HHIPL1: variants seen among roughly 807,000 people sequenced by gnomAD.
HHIPL1 encodes the protein HHIP like 1, also known as HHIP-like protein 1.
HHIPL1 carries 43 observed loss-of-function variants against 61.8 expected under a neutral mutation model. The observed-to-expected ratio is 0.70, with a 90% confidence interval of 0.55 to 0.90. The LOEUF is 0.90. Among genes scored for constraint, HHIPL1 ranks in the 40% least tolerant of loss-of-function variants. The pLI is 0.00. For synonymous variants in HHIPL1, 482 were observed against 515.8 expected, an observed-to-expected ratio of 0.93 and a Z score of 0.89; for missense variants, 1,056 against 1,157.7, an observed-to-expected ratio of 0.91 and a Z score of 1.28.
intron 1 of HHIPL1, among the ~76,000 whole-genome samples, chr14:99,649,717 G>A (rs1288694799): frequency 6.6e-6 from 1 of 152,182 alleles, no homozygotes; most frequent in Non-Finnish European, 1.5e-5. Context: ...GATCGTTAGA[G>A]CCCAGGAGGT....
Position 99,664,010 on chromosome 14 carries a change from C to T in HHIPL1, c.1648+989C>T, listed in dbSNP as rs971453552. On this transcript the variant is annotated intron_variant, in intron 6 of 8. Transcript: ENST00000330710. Reference sequence around the variant, plus strand: ...AAAGCGGGTGGACACAGCCTTCTTGCCGGTTAGTGGGTCCTGAATCTAGGC... The same window carrying T: ...AAAGCGGGTGGACACAGCCTTCTTGTCGGTTAGTGGGTCCTGAATCTAGGC... 2.0e-5 allele frequency among the ~76,000 whole-genome samples: 3 copies of T among 152,278 alleles called. No homozygotes were observed. The East Asian group carries it at 5.8e-4, about 29-fold the overall frequency.
the HHIPL1 span, among the ~76,000 whole-genome samples, chr14:99,627,913 C>G: frequency 6.6e-6 from 1 of 152,056 alleles, no homozygotes. The surrounding 1 kb of genome is among the most constrained non-coding windows in gnomAD (Gnocchi z 4.4). Flanking sequence ...CAGGAAAGGC[C>G]CCCGAGGAGG....
chr14:99,630,097 G>A, the HHIPL1 span, among the ~76,000 whole-genome samples: 1 of 152,216 alleles, frequency 6.6e-6, no homozygotes, highest in Non-Finnish European at 1.5e-5. Context: ...AACCATGTGG[G>A]AGTCTGTAGG....
At chr14:99,667,132 C>A (rs1383136850) in intron 6 of HHIPL1, among the ~76,000 whole-genome samples, 1 of 151,812 alleles carries the variant, frequency 6.6e-6, no homozygotes, top group Non-Finnish European at 1.5e-5. Context: ...TATCCTTTTA[C>A]AAGGACAGAG....
chr14:99,630,606 G>A, the HHIPL1 span, among the ~76,000 whole-genome samples: 1 of 152,232 alleles, frequency 6.6e-6, no homozygotes, highest in Non-Finnish European at 1.5e-5. Context: ...GGGAGCCCAA[G>A]AGGTGACGGA....
At chr14:99,639,325 G>A in the HHIPL1 span, among the ~76,000 whole-genome samples, 1 of 152,130 alleles carries the variant, frequency 6.6e-6, no homozygotes, top group Non-Finnish European at 1.5e-5. Flanking sequence ...GAATATAGTT[G>A]GGCCTTGGTT....
At chr14:99,625,527 G>A in the HHIPL1 span, 7 of 152,336 alleles carry the variant, frequency 4.6e-5, 1 homozygote, top group South Asian at 2.1e-4. Context: ...TGCCCACAAT[G>A]AGGCAGGGTC....
the HHIPL1 span, among the ~76,000 whole-genome samples, chr14:99,637,003 G>GAAAGAA: frequency 3.3e-4 from 9 of 27,048 alleles, no homozygotes; most frequent in Non-Finnish European, 5.6e-4. Context: ...AAAGAAAGAA[G>GAAAGAA]AAAGAAAGAA....
intron 1 of HHIPL1, among the ~76,000 whole-genome samples, chr14:99,646,951 C>G (rs7146731): frequency 5.9e-5 from 9 of 151,658 alleles, no homozygotes; most frequent in Non-Finnish European, 1.3e-4. Context: ...ACTAGGGGCT[C>G]GGTAAGTGTT....
At chr14:99,661,412 AG>A (rs1247013741) in intron 5 of HHIPL1, among the ~76,000 whole-genome samples, 4 of 148,918 alleles carry the variant, frequency 2.7e-5, no homozygotes, top group African/African-American at 5.0e-5. Context: ...AAAGAGAGAG[AG>A]AGAGAAAAGA....
the HHIPL1 span, among the ~76,000 whole-genome samples, chr14:99,638,282 C>T: frequency 4.6e-5 from 7 of 152,156 alleles, no homozygotes; most frequent in Admixed American, 3.9e-4. Flanking sequence ...GAGGCCTGGG[C>T]CCTGCGGAGA....
At chr14:99,623,061 C>T in the HHIPL1 span, among the ~76,000 whole-genome samples, 1 of 152,210 alleles carries the variant, frequency 6.6e-6, no homozygotes, top group Admixed American at 6.5e-5. Flanking sequence ...ACTGCAGAGA[C>T]GCGTGTGCTG....
At chr14:99,643,480 G>C (rs1445101067), upstream of HHIPL1, among the ~76,000 whole-genome samples, 2 of 152,226 alleles carry the variant, frequency 1.3e-5, no homozygotes, top group Non-Finnish European at 2.9e-5. Flanking sequence ...GCTGGGCTGT[G>C]TTTGACATTT....
In HHIPL1 at chr14:99,669,062, C is replaced by T. The variant is rs563851502; in HGVS notation, c.1730+759C>T. The T allele has an allele frequency of 4.5e-5, 65 of 1,451,596 alleles. No individual in the cohort carries two copies. The African/African-American group carries it at 6.3e-4, about 14-fold the overall frequency. 89.9% of individuals were successfully genotyped at this position (1,451,596 alleles called of 1,614,324 possible). ...CTCTTCAAGCACCTTCCCCAACCCA[C>T]GTTGCCCTCCAGGCCTCTGTCCAGC... On this transcript the variant is annotated intron_variant, in intron 7 of 8. Coordinates refer to ENST00000330710, the MANE Select transcript of HHIPL1 (RefSeq NM_001127258.3).
In HHIPL1 at chr14:99,672,409, T is replaced by A; in HGVS notation, c.1813+10T>A. On this transcript the variant is annotated intron_variant, in intron 8 of 8. Transcript: ENST00000330710. Reference sequence around the variant, plus strand: ...TTTGTGCCCAAAGAAAGTAAGTGCCTGCCAGTGGGACACTGAGGGTTGGGG... The same window carrying A: ...TTTGTGCCCAAAGAAAGTAAGTGCCAGCCAGTGGGACACTGAGGGTTGGGG... The A allele has an allele frequency of 6.5e-7, 1 of 1,548,482 alleles. No homozygotes were observed. The highest frequency in any genetic ancestry group is 1.2e-5 in the South Asian group (1 of 84,018).
Position 99,659,604 on chromosome 14 carries a change from C to T in HHIPL1, c.1223C>T (p.Ser408Leu), listed in dbSNP as rs867555618. 4 of 1,549,880 alleles carry T rather than the reference C, an allele frequency of 2.6e-6. No individual in the cohort carries two copies. Among genetic ancestry groups the T allele is most frequent in the Non-Finnish European group, 2.6e-6 (3 of 1,150,946 alleles). ...RCSFDRGDPSSGTGRGRLFCG... is the reference protein window; with the variant it reads ...RCSFDRGDPSLGTGRGRLFCG... ...TCCTTCGACCGTGGCGACCCCTCCTCGGGCACTGGCCGCGGGCGCCTCTTC... is the reference window on the plus strand; with the variant it reads ...TCCTTCGACCGTGGCGACCCCTCCTTGGGCACTGGCCGCGGGCGCCTCTTC... The change falls in exon 4 of 9, where the codon TCG (serine) becomes TTG (leucine). Residue 408 changes from serine to leucine, a missense_variant. Physicochemically the swap from Ser to Leu is moderately radical, Grantham distance 145. Coordinates refer to ENST00000330710, the MANE Select transcript of HHIPL1 (RefSeq NM_001127258.3).
In HHIPL1 at chr14:99,645,173, C is replaced by T; in HGVS notation, c.-35C>T. 7.9e-7 allele frequency: 1 copy of T among 1,259,404 alleles called. No homozygotes were observed. Among genetic ancestry groups the T allele is most frequent in the Admixed American group, 4.3e-5 (1 of 23,472 alleles). The allele number at this position is 1,259,404 out of a possible 1,614,324, so 78.0% of individuals were successfully genotyped here. ...GCGCCCCGGGAGGGGACCGGGGCTG[C>T]CGTCCCTCCGCCTCTTCCCCCGCGG... is the stretch of plus-strand genomic sequence containing the variant. On this transcript the variant is annotated 5_prime_UTR_variant, in exon 1 of 9. Transcript: ENST00000330710.
At chr14:99,640,840 T>C (rs2055740510), upstream of HHIPL1, among the ~76,000 whole-genome samples, 1 of 150,790 alleles carries the variant, frequency 6.6e-6, no homozygotes, top group South Asian at 2.1e-4. Flanking sequence ...ACCTATATCA[T>C]CTTCTTTCTC....
Position 99,646,837 on chromosome 14 carries a change from A to G in HHIPL1, c.255+1375A>G, listed in dbSNP as rs28693568. ...GATATGATATGATATGATATGATAT[A>G]ATATAATATAATATAATATAATATG... On this transcript the variant is annotated intron_variant, in intron 1 of 8. Coordinates refer to ENST00000330710, the MANE Select transcript of HHIPL1 (RefSeq NM_001127258.3). 9.0e-3 allele frequency among the ~76,000 whole-genome samples: 714 copies of G among 78,970 alleles called. 5 individuals carry two copies. The highest frequency in any genetic ancestry group is 0.029 in the African/African-American group (562 of 19,656). The allele number at this position is 78,970 out of a possible 152,430, so 51.8% of individuals were successfully genotyped here. A position where few individuals can be genotyped will look rare whatever the true frequency, so the allele number is the denominator to read the frequency against.
Sources: gnomAD v4.1 joint callset for allele counts (sites outside exome capture counted in the v4.1 genomes callset) on GRCh38, gnomAD v4.1.1 for gene constraint, Gnocchi (gnomAD v3.1) non-coding constraint, MANE v1.5 for transcripts, NCBI Gene and HGNC (gene_info 2026-07-23, HGNC 2026-07-21) for gene names.